PREP: variants seen among roughly 807,000 people sequenced by gnomAD.
PREP encodes the protein dJ355L5.1 (prolyl endopeptidase).
A neutral mutation model predicts 87.6 loss-of-function variants in PREP; 29 were observed. The ratio of observed to expected loss-of-function variants is 0.33; its 90% CI spans 0.25 to 0.45. The LOEUF is 0.45. Ranked by LOEUF, PREP falls within the 20% of genes least tolerant of loss-of-function variation. The pLI is 1.00. For synonymous variants in PREP, 337 were observed against 328.6 expected (o/e 1.03, Z -0.28); for missense variants, 695 against 886.5 (o/e 0.78, Z 2.74).
At chr6:105,310,198 G>T (rs1562194892) in intron 10 of PREP, among the ~76,000 whole-genome samples, 1 of 152,110 alleles carries the variant, frequency 6.6e-6, no homozygotes, top group Admixed American at 6.5e-5. Context: ...CGTAGCCAGG[G>T]ATTGTATTTT....
chr6:105,293,232 A>G (rs1265065606), intron 10 of PREP, among the ~76,000 whole-genome samples: 2 of 152,150 alleles, frequency 1.3e-5, no homozygotes, highest in Admixed American at 6.5e-5. Context: ...ACTTAAAGTG[A>G]GATGTGAGAG....
In PREP at chr6:105,276,955, TATAAA is replaced by T. The variant is rs1769945548; in HGVS notation, c.*1184_*1188del. Among the ~76,000 whole-genome samples the T allele has an allele frequency of 6.6e-6, 1 of 151,800 alleles. No homozygotes were observed. The highest frequency in any genetic ancestry group is 1.5e-5 in the Non-Finnish European group (1 of 68,018). On this transcript the variant is annotated 3_prime_UTR_variant, in exon 15 of 15. Transcript: ENST00000652536. ...TATTTTATATAAGGTTAAGATACTA[TATAAA>T]ATAATAATTTTTATCATATCATCTG...
At chr6:105,282,051 A>G in intron 13 of PREP, 149 bp from the exon 14 acceptor site, 1 of 958,890 alleles carries the variant, frequency 1.0e-6, no homozygotes, top group Non-Finnish European at 1.5e-6. Context: ...TCACCTGCCC[A>G]ATAGCCCCAA....
chr6:105,292,659 G>A (rs62419680), intron 10 of PREP, among the ~76,000 whole-genome samples: 5,786 of 151,632 alleles, frequency 0.038, 181 homozygotes, highest in Middle Eastern at 0.12. Context: ...AAGCTTTGAA[G>A]CCAGGCACTG....
chr6:105,374,238 T>C (rs1424140838), intron 4 of PREP, among the ~76,000 whole-genome samples: 1 of 152,176 alleles, frequency 6.6e-6, no homozygotes, highest in Non-Finnish European at 1.5e-5. Context: ...TACAGTCCTT[T>C]AGGGCCCTGG....
rs559332301 is a variant in PREP at position 105,287,938 on chromosome 6, T to C, written c.1454+820A>G. Among the ~76,000 whole-genome samples the C allele has an allele frequency of 1.4e-4, 21 of 152,346 alleles. No individual in the cohort carries two copies. In the East Asian group the frequency reaches 4.0e-3, roughly 29 times the overall value. On this transcript the variant is annotated intron_variant, in intron 11 of 14. Coordinates refer to ENST00000652536, the MANE Select transcript of PREP (RefSeq NM_002726.5). The stretch of plus-strand genomic sequence containing the variant: ...GTAGAATTTTCTCCCTGAACGTAAT[T>C]ATCTGGGAAATAATCACAGAAACAG...
intron 6 of PREP, among the ~76,000 whole-genome samples, chr6:105,362,429 C>T (rs1377519973): frequency 6.6e-6 from 1 of 152,206 alleles, no homozygotes; most frequent in Non-Finnish European, 1.5e-5. Context: ...CCACTGCACT[C>T]CAGCCTGGGC....
chr6:105,300,302 T>C (rs895613087), intron 10 of PREP, among the ~76,000 whole-genome samples: 1 of 152,202 alleles, frequency 6.6e-6, no homozygotes, highest in Non-Finnish European at 1.5e-5. Flanking sequence ...TGAGTCAGCT[T>C]AGAAAGATGA....
intron 6 of PREP, among the ~76,000 whole-genome samples, chr6:105,362,321 C>T (rs1259812995): frequency 6.6e-6 from 1 of 152,084 alleles, no homozygotes; most frequent in African/African-American, 2.4e-5. Flanking sequence ...ATTAGCTGGG[C>T]TTGGTGGCGT....
At position 105,277,007 on chromosome 6, in the gene PREP, A is replaced by C. The variant is rs983631347; in HGVS notation, c.*1137T>G. Among the ~76,000 whole-genome samples, 1 of 152,150 alleles carries C rather than the reference A, an allele frequency of 6.6e-6. No homozygotes were observed. The highest frequency in any genetic ancestry group is 1.5e-5 in the Non-Finnish European group (1 of 68,024). On this transcript the variant is annotated 3_prime_UTR_variant, in exon 15 of 15. Coordinates refer to ENST00000652536, the MANE Select transcript of PREP (RefSeq NM_002726.5). ...TCTGATAAAGCAAGACAAAGGAAAAAAAACTGTTTTAAGTTAGATCAGCAT... is the reference window on the plus strand; with the variant it reads ...TCTGATAAAGCAAGACAAAGGAAAACAAACTGTTTTAAGTTAGATCAGCAT...
rs753370060 is a variant in PREP, at chr6:105,397,953, G to A, written c.46-26C>T. ...CTGTAAAAAACAAAATGAGGTATTA[G>A]ATAATTACTCTCTAACCCCAATTAA... On this transcript the variant is annotated intron_variant, in intron 1 of 14. Coordinates refer to ENST00000652536, the MANE Select transcript of PREP (RefSeq NM_002726.5). The A allele has an allele frequency of 2.0e-6, 3 of 1,499,686 alleles. No homozygotes were observed. In the South Asian group the frequency reaches 3.4e-5, roughly 17 times the overall value. 92.9% of individuals were successfully genotyped at this position (1,499,686 alleles called of 1,614,324 possible). A position where few individuals can be genotyped will look rare whatever the true frequency, so the allele number is the denominator to read the frequency against.
chr6:105,345,421 G>A (rs556768295), intron 7 of PREP, among the ~76,000 whole-genome samples: 2 of 151,908 alleles, frequency 1.3e-5, no homozygotes, highest in Non-Finnish European at 2.9e-5. Context: ...CATTTATTGA[G>A]TGAAGATTAG....
chr6:105,327,313 G>A (rs1238773479), intron 9 of PREP, among the ~76,000 whole-genome samples: 1 of 152,090 alleles, frequency 6.6e-6, no homozygotes, highest in Non-Finnish European at 1.5e-5. Flanking sequence ...GAGGGAATGG[G>A]GGGAGGTGCA....
chr6:105,290,241 T>C (rs1770273862), intron 10 of PREP, among the ~76,000 whole-genome samples: 1 of 152,074 alleles, frequency 6.6e-6, no homozygotes. Context: ...TGTGGGTAGG[T>C]ACAAGTAAAC....
intron 2 of PREP, among the ~76,000 whole-genome samples, chr6:105,387,082 G>A (rs992132791): frequency 1.3e-5 from 2 of 152,082 alleles, no homozygotes; most frequent in Admixed American, 6.5e-5. Context: ...GTGTGGAGGC[G>A]GATGCCTGTA....
Position 105,277,926 on chromosome 6 carries a change from A to C in PREP, c.*218T>G. On this transcript the variant is annotated 3_prime_UTR_variant, in exon 15 of 15. Coordinates refer to ENST00000652536, the MANE Select transcript of PREP (RefSeq NM_002726.5). The stretch of plus-strand genomic sequence containing the variant: ...CTTAAAAAAAACACCAAAAAACCAC[A>C]TGTGCCTAGACAGGGTGGAAAAAGA... 1 of 645,372 alleles carries C rather than the reference A, an allele frequency of 1.5e-6. No individual in the cohort carries two copies. Among genetic ancestry groups the C allele is most frequent in the South Asian group, 2.2e-5 (1 of 44,864 alleles). The allele number at this position is 645,372 out of a possible 1,614,324, so 40.0% of individuals were successfully genotyped here. A position where few individuals can be genotyped will look rare whatever the true frequency, so the allele number is the denominator to read the frequency against.
At position 105,322,473 on chromosome 6, in the gene PREP, C is replaced by T. The variant is rs1451299299; in HGVS notation, c.1317+1192G>A. 6.1e-6 allele frequency: 6 copies of T among 985,346 alleles called. No individual in the cohort carries two copies. The African/African-American group carries it at 8.7e-5, about 14-fold the overall frequency. 61.0% of individuals were successfully genotyped at this position (985,346 alleles called of 1,614,324 possible). On this transcript the variant is annotated intron_variant, in intron 10 of 14. Transcript: ENST00000652536. ...TGGATTTCAGGCCTGTCTGACAGAGCTTCTTGACCCTGTATGTCTTCTCGG... is the reference window on the plus strand; with the variant it reads ...TGGATTTCAGGCCTGTCTGACAGAGTTTCTTGACCCTGTATGTCTTCTCGG...
At chr6:105,295,406 T>C (rs1289874857) in intron 10 of PREP, among the ~76,000 whole-genome samples, 2 of 152,102 alleles carry the variant, frequency 1.3e-5, no homozygotes, top group African/African-American at 4.8e-5. Context: ...TTCTTTGGCA[T>C]ACAGATAGAC....
At chr6:105,402,396 G>T (rs1336675512) in intron 1 of PREP, among the ~76,000 whole-genome samples, 1 of 150,866 alleles carries the variant, frequency 6.6e-6, no homozygotes, top group Non-Finnish European at 1.5e-5. Context: ...TTAAAAGTTT[G>T]TTTTCGTTTT....
Sources: gnomAD v4.1 joint callset for allele counts (sites outside exome capture counted in the v4.1 genomes callset) on GRCh38, gnomAD v4.1.1 for gene constraint, MANE v1.5 for transcripts, NCBI Gene and HGNC (gene_info 2026-07-23, HGNC 2026-07-21) for gene names.